Variants in VPS35L observed in about 807,000 individuals in gnomAD.
The protein encoded by VPS35L is VPS35 endosomal protein sorting factor like, also known as VPS35 endosomal protein-sorting factor-like.
A neutral mutation model predicts 133.0 loss-of-function variants in VPS35L; 83 were observed. The ratio of observed to expected loss-of-function variants is 0.62; its 90% CI spans 0.52 to 0.75. The LOEUF (loss-of-function observed/expected upper bound fraction) is 0.75. VPS35L is among the 30% of genes least tolerant of loss of function. The probability of loss-of-function intolerance (pLI) is 0.00; values close to 1 mark genes in which losing one functional copy is unlikely to be tolerated. For synonymous variants in VPS35L, 423 were observed against 449.9 expected, an observed-to-expected ratio of 0.94 and a Z score of 0.76; for missense variants, 1,083 against 1,206.8, an observed-to-expected ratio of 0.90 and a Z score of 1.52.
intron 27 of VPS35L, among the ~76,000 whole-genome samples, chr16:19,678,756 G>C (rs1975152295): frequency 6.6e-6 from 1 of 151,742 alleles, no homozygotes; most frequent in South Asian, 2.1e-4. Flanking sequence ...GAGATTACAG[G>C]CTTGAGCCAC....
intron 9 of VPS35L, 107 bp from the exon 10 acceptor site, chr16:19,608,071 G>A: frequency 3.9e-6 from 3 of 769,676 alleles, no homozygotes; most frequent in Admixed American, 2.2e-5. Flanking sequence ...GAAAGAAACA[G>A]GCTGAGTCAC....
Position 19,575,117 on chromosome 16 carries a change from A to C in VPS35L, c.428A>C (p.Glu143Ala). ...CTGCAGAATCTGTTTATGGGATCTG[A>C]AAAAGGTAAGATGAGTTTGTTGTTG... ...KLSINLFMGS[E>A]KGKAGTATLA... is the part of the protein sequence containing the mutation. Residue 143 changes from glutamate (E) to alanine (A), a missense_variant, in exon 5 of 31, where the codon GAA (glutamate) becomes GCA (alanine). Physicochemically the swap from Glu to Ala is moderately radical, Grantham distance 107 (BLOSUM62 -1). Transcript: ENST00000417362. The C allele has an allele frequency of 6.2e-7, 1 of 1,606,936 alleles. No homozygotes were observed. Among genetic ancestry groups the C allele is most frequent in the South Asian group, 1.1e-5 (1 of 89,922 alleles).
chr16:19,576,292 G>C (rs1247524795), intron 5 of VPS35L, among the ~76,000 whole-genome samples: 1 of 152,018 alleles, frequency 6.6e-6, no homozygotes, highest in Non-Finnish European at 1.5e-5. Context: ...CTGGGTTTTA[G>C]AGAGCCTTTC....
intron 7 of VPS35L, 59 bp from the exon 8 acceptor site, chr16:19,591,731 G>A: frequency 7.8e-7 from 1 of 1,274,956 alleles, no homozygotes; most frequent in Non-Finnish European, 1.1e-6. Flanking sequence ...CAGATCTGGA[G>A]TGTCCTACCC....
At chr16:19,680,462 G>A (rs1003289081) in intron 27 of VPS35L, among the ~76,000 whole-genome samples, 2 of 152,130 alleles carry the variant, frequency 1.3e-5, no homozygotes, top group African/African-American at 2.4e-5. Flanking sequence ...CAGACCTGGC[G>A]GTGTATTGGC....
chr16:19,579,084 G>C lies in VPS35L; in HGVS notation c.466G>C (p.Glu156Gln), dbSNP rs371462894. 2.5e-6 allele frequency: 4 copies of C among 1,614,104 alleles called. No individual in the cohort carries two copies. Among genetic ancestry groups the C allele is most frequent in the Non-Finnish European group, 3.4e-6 (4 of 1,180,056 alleles). The change falls in exon 6 of 31, where the codon GAG becomes CAG. Residue 156 changes from glutamate to glutamine, a missense_variant. Coordinates refer to ENST00000417362, the MANE Select transcript of VPS35L (RefSeq NM_020314.7). The part of the protein sequence containing the change: ...KAGTATLAMS[E>Q]KVRTRLEELD... ...TGGGACTGCCACATTGGCAATGTCA[G>C]AGAAGGTGCGGACCCGGCTGGAGGA...
At chr16:19,669,325 G>C (rs753750261) in intron 27 of VPS35L, 26 bp downstream of exon 27, 7 of 1,585,388 alleles carry the variant, frequency 4.4e-6, no homozygotes, top group Non-Finnish European at 6.0e-6. Context: ...AGAACCGCAG[G>C]ACATGTCTTC....
chr16:19,578,815 G>T (rs1446379554), intron 5 of VPS35L: 3 of 550,898 alleles, frequency 5.4e-6, no homozygotes, highest in Admixed American at 6.1e-5. Context: ...AAATGCAGCG[G>T]TTAACCTCTT....
intron 1 of VPS35L, among the ~76,000 whole-genome samples, chr16:19,563,397 T>C (rs1239014949): frequency 1.3e-5 from 2 of 152,180 alleles, no homozygotes; most frequent in African/African-American, 4.8e-5. Flanking sequence ...TTTTGTTTAT[T>C]TGCTTTTGTA....
At chr16:19,656,534 ACT>A (rs1974308812) in intron 26 of VPS35L, among the ~76,000 whole-genome samples, 1 of 151,014 alleles carries the variant, frequency 6.6e-6, no homozygotes. Context: ...CCCAGTCCTG[ACT>A]CTGCCACCTA....
At chr16:19,651,932 C>T (rs768459015) in intron 25 of VPS35L, 44 bp from the exon 26 acceptor site, 2 of 1,350,392 alleles carry the variant, frequency 1.5e-6, no homozygotes, top group Non-Finnish European at 2.1e-6. Context: ...TATGATTCTG[C>T]CACCGTTGCA....
intron 29 of VPS35L, among the ~76,000 whole-genome samples, chr16:19,694,863 G>A (rs1027509877): frequency 1.2e-4 from 19 of 152,138 alleles, no homozygotes; most frequent in Non-Finnish European, 1.3e-4. Flanking sequence ...AAAATTAGCC[G>A]GGCGTGGTGG....
chr16:19,585,406 C>CTTTTTTTTTTTTTTT (rs201727936), intron 7 of VPS35L, among the ~76,000 whole-genome samples: 1 of 138,124 alleles, frequency 7.2e-6, no homozygotes, highest in Non-Finnish European at 1.6e-5. Flanking sequence ...TTTCTTTTTT[C>CTTTTTTTTTTTTTTT]TTTTTTTTTT....
chr16:19,588,183 G>GTATGTATA, intron 7 of VPS35L, among the ~76,000 whole-genome samples: 1 of 140,514 alleles, frequency 7.1e-6, no homozygotes, highest in African/African-American at 2.5e-5. Context: ...ATGTATGTAT[G>GTATGTATA]TATGTATTTA....
chr16:19,594,766 T>C, intron 8 of VPS35L, among the ~76,000 whole-genome samples: 1 of 148,200 alleles, frequency 6.7e-6, no homozygotes, highest in East Asian at 2.0e-4. Flanking sequence ...TGTTAGACAA[T>C]GATCCATGCT....
chr16:19,561,996 T>C (rs1379289147), intron 1 of VPS35L, among the ~76,000 whole-genome samples: 5 of 151,988 alleles, frequency 3.3e-5, no homozygotes, highest in African/African-American at 1.2e-4. Context: ...TCCCAGCTAC[T>C]TAAGAGGCTG....
intron 30 of VPS35L, 89 bp from the exon 31 acceptor site, chr16:19,700,289 C>A: frequency 8.5e-7 from 1 of 1,171,194 alleles, no homozygotes; most frequent in Non-Finnish European, 1.2e-6. Flanking sequence ...GCTAAGAAAT[C>A]TAAGCTCACA....
intron 14 of VPS35L, among the ~76,000 whole-genome samples, chr16:19,623,970 A>G (rs1435163408): frequency 6.7e-6 from 1 of 150,260 alleles, no homozygotes; most frequent in Non-Finnish European, 1.5e-5. Context: ...TGCTTGGCTA[A>G]TTTTTAAATT....
intron 23 of VPS35L, among the ~76,000 whole-genome samples, chr16:19,646,826 C>G (rs1315203241): frequency 4.6e-5 from 7 of 152,158 alleles, no homozygotes; most frequent in Non-Finnish European, 1.0e-4. Context: ...AGGGCAAGCA[C>G]AGTGGGAAGG....
Sources: allele counts gnomAD v4.1 joint callset (sites outside exome capture counted in the v4.1 genomes callset), GRCh38; gene constraint gnomAD v4.1.1; transcripts MANE v1.5; gene names NCBI Gene and HGNC (gene_info 2026-07-23, HGNC 2026-07-21).